MAGI2: variants seen among roughly 807,000 people sequenced by gnomAD.
MAGI2 encodes membrane-associated guanylate kinase, WW and PDZ domain-containing protein 2.
Under a neutral mutation model 133.3 loss-of-function variants are expected in MAGI2, and 35 were observed. The ratio of observed to expected loss-of-function variants is 0.26; its 90% CI spans 0.20 to 0.35. The LOEUF is 0.35. MAGI2 is among the 10% of genes least tolerant of loss of function. MAGI2 has a pLI of 1.00. For synonymous variants in MAGI2, 729 were observed against 710.6 expected (o/e 1.03, Z -0.41); for missense variants, 1,636 against 1,863.4 (o/e 0.88, Z 2.25).
At chr7:79,202,505 A>T (rs1271020082) in intron 1 of MAGI2, among the ~76,000 whole-genome samples, 1 of 151,976 alleles carries the variant, frequency 6.6e-6, no homozygotes, top group Non-Finnish European at 1.5e-5. Context: ...TTTATTAGTT[A>T]CTGTGAGTTA....
At chr7:78,748,184 C>T (rs1198825651) in intron 2 of MAGI2, among the ~76,000 whole-genome samples, 1 of 150,616 alleles carries the variant, frequency 6.6e-6, no homozygotes, top group Non-Finnish European at 1.5e-5. Flanking sequence ...TTTCTTAAAA[C>T]AAGTATTCAA....
In MAGI2 at chr7:78,135,217, C is replaced by T; in HGVS notation, c.2846-11G>A. 8 of 1,612,514 alleles carry T rather than the reference C, an allele frequency of 5.0e-6. No homozygotes were observed. The highest frequency in any genetic ancestry group is 6.8e-6 in the Non-Finnish European group (8 of 1,178,758). ...TTTTATGGGGCACAGCTAAAAAAACCCCAACAGAAATAGGTATCAGGGACA... is the reference window on the plus strand; with the variant it reads ...TTTTATGGGGCACAGCTAAAAAAACTCCAACAGAAATAGGTATCAGGGACA... On this transcript the variant is annotated splice_polypyrimidine_tract_variant and intron_variant, in intron 16 of 21. Coordinates refer to ENST00000354212, the MANE Select transcript of MAGI2 (RefSeq NM_012301.4).
chr7:79,301,384 G>C (rs764256985), intron 1 of MAGI2, among the ~76,000 whole-genome samples: 1 of 152,232 alleles, frequency 6.6e-6, no homozygotes, highest in Admixed American at 6.5e-5. Flanking sequence ...ATGTGCCCTG[G>C]ATGTGGGACA....
intron 1 of MAGI2, among the ~76,000 whole-genome samples, chr7:79,041,859 C>A (rs1811701316): frequency 6.6e-6 from 1 of 151,980 alleles, no homozygotes; most frequent in Non-Finnish European, 1.5e-5. Flanking sequence ...ATAACTTGAA[C>A]TGAATTTTCA....
chr7:79,059,226 T>C (rs1223359585), intron 1 of MAGI2, among the ~76,000 whole-genome samples: 1 of 152,058 alleles, frequency 6.6e-6, no homozygotes, highest in African/African-American at 2.4e-5. Context: ...CAATTTATAT[T>C]TGTATTTTTA....
At chr7:78,120,783 C>T (rs1820369016) in intron 20 of MAGI2, among the ~76,000 whole-genome samples, 1 of 151,510 alleles carries the variant, frequency 6.6e-6, no homozygotes, top group South Asian at 2.1e-4. Flanking sequence ...GGGCGGATCA[C>T]GAGGTCAGGA....
Position 79,356,096 on chromosome 7 carries a change from T to G in MAGI2, c.301+96924A>C, listed in dbSNP as rs563426782. On this transcript the variant is annotated intron_variant, in intron 1 of 21. Transcript: ENST00000354212. ...TTAAAGGATATAATTTTGTTTTGTC[T>G]ACTGTACTTTGACAATAGTATTCAT... Among the ~76,000 whole-genome samples, 3 of 152,316 alleles carry G rather than the reference T, an allele frequency of 2.0e-5. No individual in the cohort carries two copies. In the South Asian group the frequency reaches 6.2e-4, roughly 32 times the overall value.
intron 1 of MAGI2, among the ~76,000 whole-genome samples, chr7:79,197,012 C>A (rs773889706): frequency 1.1e-4 from 16 of 151,876 alleles, no homozygotes; most frequent in Non-Finnish European, 1.9e-4. Flanking sequence ...AACTCCTGGA[C>A]TCAAGCAATC....
chr7:78,246,385 AGT>A (rs1169943832), intron 10 of MAGI2, among the ~76,000 whole-genome samples: 1 of 152,030 alleles, frequency 6.6e-6, no homozygotes, highest in African/African-American at 2.4e-5. Flanking sequence ...CAAAGGAATT[AGT>A]GCCCTGGTGA....
At chr7:78,294,416 C>T (rs149136844) in intron 9 of MAGI2, among the ~76,000 whole-genome samples, 3 of 152,070 alleles carry the variant, frequency 2.0e-5, no homozygotes, top group African/African-American at 7.2e-5. Context: ...ATTTCCATAT[C>T]GAGACCATTA....
chr7:79,320,033 T>G (rs1237132147), intron 1 of MAGI2, among the ~76,000 whole-genome samples: 1 of 152,188 alleles, frequency 6.6e-6, no homozygotes, highest in East Asian at 1.9e-4. Context: ...TTTTCCTTCT[T>G]TGTGCTACTG....
chr7:78,968,840 C>T (rs1478797965), intron 2 of MAGI2, among the ~76,000 whole-genome samples: 1 of 151,980 alleles, frequency 6.6e-6, no homozygotes, highest in East Asian at 1.9e-4. Context: ...CACAAGGACA[C>T]GGCCTTTATT....
rs535012899 is a variant in MAGI2 at position 78,672,322 on chromosome 7, C to T, written c.419-45083G>A. ...CCATAAGACATGCCTGTCCCCTCTT[C>T]ATCTTATATCATGAATAAAAGCTTC... On this transcript the variant is annotated intron_variant, in intron 2 of 21. Transcript: ENST00000354212. Among the ~76,000 whole-genome samples the T allele has an allele frequency of 2.0e-5, 3 of 152,260 alleles. No individual in the cohort carries two copies. In the East Asian group the frequency reaches 5.8e-4, roughly 29 times the overall value.
At chr7:79,163,945 C>T (rs766426037) in intron 1 of MAGI2, among the ~76,000 whole-genome samples, 2 of 151,882 alleles carry the variant, frequency 1.3e-5, no homozygotes, top group Non-Finnish European at 2.9e-5. Context: ...TTAGACTAAA[C>T]CCTAGGCCTG....
chr7:78,286,889 T>C (rs895031348), intron 9 of MAGI2, among the ~76,000 whole-genome samples: 15 of 152,100 alleles, frequency 9.9e-5, no homozygotes, highest in Admixed American at 7.2e-4. Flanking sequence ...ATATCAGAGC[T>C]TGTGGATTTA....
At chr7:78,510,195 A>G (rs1243502322) in intron 4 of MAGI2, among the ~76,000 whole-genome samples, 2 of 152,214 alleles carry the variant, frequency 1.3e-5, no homozygotes, top group East Asian at 1.9e-4. Context: ...CTCCATAAGA[A>G]GCAGTAGAAC....
chr7:78,405,825 A>G (rs1198099411), intron 6 of MAGI2, among the ~76,000 whole-genome samples: 1 of 152,060 alleles, frequency 6.6e-6, no homozygotes, highest in Non-Finnish European at 1.5e-5. Flanking sequence ...GCAAAAGTCT[A>G]TTAAGCACAA....
intron 1 of MAGI2, among the ~76,000 whole-genome samples, chr7:79,228,367 A>AAAAAAAAAAAAAAAAAAAAAAAAAAAC (rs1279406123): frequency 6.7e-6 from 1 of 148,250 alleles, no homozygotes; most frequent in South Asian, 2.2e-4. Flanking sequence ...AAAAAAAAAA[A>AAAAAAAAAAAAAAAAAAAAAAAAAAAC]AAAGATCGTG....
At chr7:79,011,916 C>T (rs201437510) in intron 1 of MAGI2, among the ~76,000 whole-genome samples, 13 of 128,310 alleles carry the variant, frequency 1.0e-4, no homozygotes, top group African/African-American at 4.1e-4. Flanking sequence ...TTCCTTCCTT[C>T]CTTCCTTCCT....
Sources: allele counts gnomAD v4.1 joint callset (sites outside exome capture counted in the v4.1 genomes callset), GRCh38; gene constraint gnomAD v4.1.1; transcripts MANE v1.5; gene names NCBI Gene and HGNC (gene_info 2026-07-23, HGNC 2026-07-21).